Variants in QSOX1 observed in about 807,000 individuals in gnomAD.
The protein encoded by QSOX1 is quiescin sulfhydryl oxidase 1.
Under a neutral mutation model 76.1 loss-of-function variants are expected in QSOX1, and 40 were observed. The observed-to-expected ratio is 0.53, with a 90% CI of 0.41 to 0.68. QSOX1 has a LOEUF of 0.68. Ranked by LOEUF, QSOX1 falls within the 30% of genes least tolerant of loss-of-function variation. The pLI is 0.00. For synonymous variants in QSOX1, 392 were observed against 413.1 expected (o/e 0.95, Z 0.62); for missense variants, 931 against 974.3 (o/e 0.96, Z 0.59).
chr1:180,194,281 G>A lies in QSOX1; in HGVS notation c.1357G>A (p.Ala453Thr), dbSNP rs202144688. 125 of 1,612,946 alleles carry A rather than the reference G, an allele frequency of 7.7e-5. No homozygotes were observed. Among genetic ancestry groups the A allele is most frequent in the Middle Eastern group, 1.7e-4 (1 of 6,050 alleles). ...CTACTTCTTCGGCTGCCGAGACTGC[G>A]CTAGCCACTTCGAGCAGATGGCTGC... ...VHYFFGCRDC[A>T]SHFEQMAAAS... The change falls in exon 11 of 12, where the codon GCT (alanine) becomes ACT (threonine). Residue 453 changes from alanine to threonine, a missense_variant. Physicochemically the swap from Ala to Thr is moderately conservative, Grantham distance 58. Transcript: ENST00000367602.
At chr1:180,195,174 C>T (rs1663438838) in intron 11 of QSOX1, among the ~76,000 whole-genome samples, 2 of 152,150 alleles carry the variant, frequency 1.3e-5, no homozygotes, top group African/African-American at 4.8e-5. Flanking sequence ...TCCATTTGAC[C>T]CTTCAGCCCC....
At chr1:180,166,032 T>A (rs1297904573) in intron 1 of QSOX1, among the ~76,000 whole-genome samples, 1 of 152,152 alleles carries the variant, frequency 6.6e-6, no homozygotes, top group Admixed American at 6.5e-5. Flanking sequence ...CCCAGGAAAC[T>A]TCCCTAAGGG....
chr1:180,158,388 T>C (rs1185279632), intron 1 of QSOX1, among the ~76,000 whole-genome samples: 1 of 152,208 alleles, frequency 6.6e-6, no homozygotes, highest in Non-Finnish European at 1.5e-5. Flanking sequence ...CAGAGCCTGG[T>C]GCAGAGTAGG....
intron 11 of QSOX1, among the ~76,000 whole-genome samples, chr1:180,195,469 C>T (rs1480452176): frequency 6.6e-6 from 1 of 152,176 alleles, no homozygotes; most frequent in South Asian, 2.1e-4. Flanking sequence ...AACTTGTCCC[C>T]CTATTAAAAC....
rs1406892442 is a variant in QSOX1, at chr1:180,200,185, T to C, written c.*3148T>C. On this transcript the variant is annotated 3_prime_UTR_variant, in exon 12 of 12. Coordinates refer to ENST00000367602, the MANE Select transcript of QSOX1 (RefSeq NM_002826.5). ...ACTGGCTGTGTGACTTTGGGCAAGA[T>C]AACTTATCCCCTTGTCCCCATGTGT... is the stretch of plus-strand genomic sequence containing the variant. 6.6e-6 allele frequency: 1 copy of C among 152,210 alleles called. No individual in the cohort carries two copies. Among genetic ancestry groups the C allele is most frequent in the East Asian group, 1.9e-4 (1 of 5,194 alleles). 9.4% of individuals were successfully genotyped at this position (152,210 alleles called of 1,614,324 possible). A position where few individuals can be genotyped will look rare whatever the true frequency, so the allele number is the denominator to read the frequency against.
chr1:180,196,495 G>T lies in QSOX1; in HGVS notation c.1702G>T (p.Ala568Ser), dbSNP rs534601334. 1.9e-6 allele frequency: 3 copies of T among 1,614,054 alleles called. No individual in the cohort carries two copies. Among genetic ancestry groups the T allele is most frequent in the African/African-American group, 2.7e-5 (2 of 75,056 alleles). ...VAAAPELAMG[A>S]LELESRNSTL... The stretch of plus-strand genomic sequence containing the variant: ...AGCCGCCCCAGAGCTGGCGATGGGA[G>T]CCCTGGAGCTGGAAAGCCGGAATTC... Residue 568 changes from alanine to serine, a missense_variant, in exon 12 of 12, where the codon GCC becomes TCC. By Grantham distance (99) the Ala-to-Ser change is moderately conservative. Coordinates refer to ENST00000367602, the MANE Select transcript of QSOX1 (RefSeq NM_002826.5). This position sits in a 1 kb window ranked among gnomAD's most constrained non-coding sequence, Gnocchi z 4.1.
rs373334571 is a variant in QSOX1 at position 180,175,344 on chromosome 1, C to T, written c.390C>T (p.Asn130=). 348 of 1,613,908 alleles carry T rather than the reference C, an allele frequency of 2.2e-4. 1 individual carries two copies. Among genetic ancestry groups the T allele is most frequent in the Non-Finnish European group, 1.9e-4 (230 of 1,179,978 alleles). The change falls in exon 3 of 12, where the codon AAC becomes AAT. Residue 130 remains asparagine (N), a synonymous_variant. Coordinates refer to ENST00000367602, the MANE Select transcript of QSOX1 (RefSeq NM_002826.5). ...AGTTCTTCAAGGCCTTTACCAAGAA[C>T]GGCTCGGGAGCAGTATTTCCAGGTG... ...TVRFFKAFTK[N]GSGAVFPVAG...
intron 9 of QSOX1, 45 bp from the exon 10 acceptor site, chr1:180,190,388 C>A (rs746791373): frequency 1.9e-6 from 3 of 1,578,766 alleles, no homozygotes; most frequent in South Asian, 1.1e-5. Flanking sequence ...CCTCTCCCAT[C>A]CTTTTCCTTC....
chr1:180,194,158 G>A (rs1466896935), intron 10 of QSOX1, 55 bp from the exon 11 acceptor site: 1 of 1,532,710 alleles, frequency 6.5e-7, no homozygotes, highest in Admixed American at 1.9e-5. Context: ...GGAGGCAACG[G>A]CTGTGGGGCT....
chr1:180,161,831 G>C (rs1662500267), intron 1 of QSOX1, among the ~76,000 whole-genome samples: 1 of 152,092 alleles, frequency 6.6e-6, no homozygotes, highest in African/African-American at 2.4e-5. Context: ...AGACCCATCA[G>C]TTTTTTTCAT....
chr1:180,191,649 C>T (rs1368291206), intron 10 of QSOX1, among the ~76,000 whole-genome samples: 3 of 152,214 alleles, frequency 2.0e-5, no homozygotes, highest in South Asian at 2.1e-4. Flanking sequence ...GCCATGATGA[C>T]GAATGCTGAG....
In QSOX1 at chr1:180,185,222, TGGAGGGGTCA is replaced by T. The variant is rs142102707; in HGVS notation, c.888-826_888-817del. Among the ~76,000 whole-genome samples, 1,085 of 152,232 alleles carry T rather than the reference TGGAGGGGTCA, an allele frequency of 7.1e-3. 11 individuals carry two copies. The highest frequency in any genetic ancestry group is 0.025 in the African/African-American group (1,044 of 41,544). On this transcript the variant is annotated intron_variant, in intron 7 of 11. Transcript: ENST00000367602. Reference sequence around the variant, plus strand: ...TCTTTCCAACCTCAGGAGGTTGTCATGGAGGGGTCAGGAGCAAGTCATGTGTTTTACAGGT... The same window carrying T: ...TCTTTCCAACCTCAGGAGGTTGTCATGGAGCAAGTCATGTGTTTTACAGGT...
rs1663681419 is a variant in QSOX1, at chr1:180,203,924, G to A, written c.*6887G>A. On this transcript the variant is annotated 3_prime_UTR_variant, in exon 12 of 12. Transcript: ENST00000367602. ...TCCAATTACTGAATCATACATAAAA[G>A]CCAAGTAAGATTTTAAAATTTGTTA... 6.6e-6 allele frequency: 1 copy of A among 152,192 alleles called. No homozygotes were observed. Among genetic ancestry groups the A allele is most frequent in the Non-Finnish European group, 1.5e-5 (1 of 68,034 alleles). 9.4% of individuals were successfully genotyped at this position (152,192 alleles called of 1,614,324 possible). A position where few individuals can be genotyped will look rare whatever the true frequency, so the allele number is the denominator to read the frequency against.
rs142583258 is a variant in QSOX1 at position 180,191,193 on chromosome 1, C to T, written c.1288+613C>T. On this transcript the variant is annotated intron_variant, in intron 10 of 11. Coordinates refer to ENST00000367602, the MANE Select transcript of QSOX1 (RefSeq NM_002826.5). ...GAGGAACCAGGTTTATACCAGGCTG[C>T]GGCTTGGCTTGGAGGATAGATACAT... Among the ~76,000 whole-genome samples, 1,373 of 152,210 alleles carry T rather than the reference C, an allele frequency of 9.0e-3. 20 individuals carry two copies. The highest frequency in any genetic ancestry group is 0.03 in the African/African-American group (1,231 of 41,518).
At chr1:180,186,022 T>A (rs771993135) in intron 7 of QSOX1, 31 bp from the exon 8 acceptor site, 25 of 1,611,836 alleles carry the variant, frequency 1.6e-5, no homozygotes, top group Non-Finnish European at 2.1e-5. Context: ...TTAATACTTC[T>A]TTCTCTCTCT....
intron 2 of QSOX1, among the ~76,000 whole-genome samples, 154 bp downstream of exon 2, chr1:180,166,745 A>G (rs189033021): frequency 1.8e-4 from 28 of 152,094 alleles, no homozygotes; most frequent in African/African-American, 6.7e-4. Flanking sequence ...GAGAGCTCCC[A>G]CCTCCCAAGG....
At chr1:180,164,453 G>A (rs75338960) in intron 1 of QSOX1, among the ~76,000 whole-genome samples, 3,889 of 152,162 alleles carry the variant, frequency 0.026, 156 homozygotes, top group African/African-American at 0.088. Flanking sequence ...GAGTCCAGAA[G>A]CTACAATGCC....
chr1:180,201,239 G>A lies in QSOX1; in HGVS notation c.*4202G>A, dbSNP rs1324943010. On this transcript the variant is annotated 3_prime_UTR_variant, in exon 12 of 12. Coordinates refer to ENST00000367602, the MANE Select transcript of QSOX1 (RefSeq NM_002826.5). Reference sequence around the variant, plus strand: ...TTCCTGCAGGGCCTTCCAGAGAAAGGATTCTTGGCCAGAGGAAATCACAGC... The same window carrying A: ...TTCCTGCAGGGCCTTCCAGAGAAAGAATTCTTGGCCAGAGGAAATCACAGC... 3.3e-5 allele frequency: 5 copies of A among 152,216 alleles called. No individual in the cohort carries two copies. The highest frequency in any genetic ancestry group is 4.8e-5 in the African/African-American group (2 of 41,450). The allele number at this position is 152,216 out of a possible 1,614,324, so 9.4% of individuals were successfully genotyped here.
chr1:180,161,574 A>G (rs76689943), intron 1 of QSOX1, among the ~76,000 whole-genome samples: 1,758 of 152,372 alleles, frequency 0.012, 30 homozygotes, highest in African/African-American at 0.04. Context: ...ATAGTTTCTG[A>G]ATTCCAGAGA....
Sources: allele counts gnomAD v4.1 joint callset (sites outside exome capture counted in the v4.1 genomes callset), GRCh38; gene constraint gnomAD v4.1.1; non-coding constraint Gnocchi (gnomAD v3.1); transcripts MANE v1.5; gene names NCBI Gene and HGNC (gene_info 2026-07-23, HGNC 2026-07-21).